The following DNA2 variants were observed in gnomAD, a reference collection of about 807,000 sequenced individuals.
DNA2 encodes DNA replication helicase/nuclease 2, also known as DNA replication ATP-dependent helicase/nuclease DNA2.
In DNA2, 101 loss-of-function variants were observed where a neutral mutation model predicts 119.1. The observed-to-expected ratio is 0.85, with a 90% confidence interval of 0.72 to 1.00. DNA2 has a LOEUF of 1.00. DNA2 is among the 50% of genes least tolerant of loss of function. DNA2 has a pLI of 0.00. For synonymous variants in DNA2, 366 were observed against 424.4 expected (o/e 0.86, Z 1.69); for missense variants, 1,121 against 1,255.5 (o/e 0.89, Z 1.62).
intron 14 of DNA2, among the ~76,000 whole-genome samples, chr10:68,428,160 T>C (rs375586954): frequency 6.6e-6 from 1 of 151,860 alleles, no homozygotes; most frequent in Non-Finnish European, 1.5e-5. Context: ...ACCCCATCTC[T>C]AGTAAAAATA....
intron 1 of DNA2, among the ~76,000 whole-genome samples, chr10:68,471,560 G>T (rs886352017): frequency 6.6e-6 from 1 of 152,096 alleles, no homozygotes; most frequent in South Asian, 2.1e-4. Context: ...GAAATCAAGG[G>T]AAACAATGAA....
At chr10:68,422,121 C>T in intron 17 of DNA2, 104 bp downstream of exon 17, 1 of 971,716 alleles carries the variant, frequency 1.0e-6, no homozygotes, top group East Asian at 2.7e-5. Context: ...CCTAGTTTTG[C>T]CTTTTAACTG....
At position 68,416,775 on chromosome 10, in the gene DNA2, A is replaced by T. The variant is rs749586569; in HGVS notation, c.3048T>A (p.Cys1016Ter). The T allele has an allele frequency of 9.3e-6, 15 of 1,613,926 alleles. No individual in the cohort carries two copies. The highest frequency in any genetic ancestry group is 1.2e-5 in the Non-Finnish European group (14 of 1,179,800). ...GAGGATAGCAATTTAGTGAGGGCAC[A>T]CACCCCAGAAGAATCAGTTTATGTT... Reference protein sequence around the residue: ...RAKHKLILLGCVPSLNCYPPL... With the variant: ...RAKHKLILLG The change falls in exon 20 of 21, where the codon TGT becomes TGA. Residue 1016 changes from cysteine (C) to a stop codon, truncating the protein, a stop_gained. Transcript: ENST00000358410. LOFTEE classifies it high-confidence loss of function.
chr10:68,444,523 G>A (rs2052011569), intron 8 of DNA2, among the ~76,000 whole-genome samples: 1 of 151,914 alleles, frequency 6.6e-6, no homozygotes, highest in Admixed American at 6.6e-5. Context: ...TCGGGAGTTG[G>A]AGACCAGCCT....
At chr10:68,415,718 A>C (rs2051580074) in intron 20 of DNA2, among the ~76,000 whole-genome samples, 1 of 151,890 alleles carries the variant, frequency 6.6e-6, no homozygotes, top group Non-Finnish European at 1.5e-5. Context: ...ACCAGGCTAG[A>C]TCTCGGCTCA....
At chr10:68,424,936 G>A (rs183105492) in intron 14 of DNA2, 4 of 680,650 alleles carry the variant, frequency 5.9e-6, no homozygotes, top group African/African-American at 1.8e-5. Flanking sequence ...GCCAAGTCTC[G>A]ACAAGTCAGA....
Position 68,419,852 on chromosome 10 carries a change from T to C in DNA2, c.2738A>G (p.Asn913Ser), listed in dbSNP as rs1481430822. The C allele has an allele frequency of 1.2e-6, 2 of 1,613,960 alleles. No homozygotes were observed. Among genetic ancestry groups the C allele is most frequent in the Non-Finnish European group, 1.7e-6 (2 of 1,179,868 alleles). The change falls in exon 18 of 21, where the codon AAT becomes AGT. Residue 913 changes from asparagine (N) to serine (S), a missense_variant. Transcript: ENST00000358410. ...PEQVEKGGVS[N>S]VTEAKLIVFL... is the part of the protein sequence containing the mutation. ...AACTATGAGTTTGGCTTCTGTTACATTGCTCACACCACCTTTTTCAACTTG... is the reference window on the plus strand; with the variant it reads ...AACTATGAGTTTGGCTTCTGTTACACTGCTCACACCACCTTTTTCAACTTG...
intron 2 of DNA2, among the ~76,000 whole-genome samples, chr10:68,469,147 A>G (rs2052358407): frequency 6.6e-6 from 1 of 152,156 alleles, no homozygotes. Context: ...CACCCCTCAC[A>G]TACCACACTT....
rs1720702275 is a variant in DNA2 at position 68,416,719 on chromosome 10, G to C, written c.3104C>G (p.Ser1035Ter). The stretch of plus-strand genomic sequence containing the variant: ...GAAGAAAAAGGATATTAATTTTTCT[G>C]AGTTTAAATGATTAAGCAGCTTCTC... Reference protein sequence around the residue: ...PLEKLLNHLNSEKLIIDLPSR... With the variant: ...PLEKLLNHLN The change falls in exon 20 of 21, where the codon TCA (serine) becomes TGA (stop). Residue 1035 changes from serine (S) to a stop codon, truncating the protein, a stop_gained. Transcript: ENST00000358410. LOFTEE classifies it high-confidence loss of function. The C allele has an allele frequency of 6.2e-7, 1 of 1,613,114 alleles. No homozygotes were observed. Among genetic ancestry groups the C allele is most frequent in the Non-Finnish European group, 8.5e-7 (1 of 1,179,282 alleles).
In DNA2 at chr10:68,432,293, T is replaced by C; in HGVS notation, c.1786A>G (p.Ile596Val). The change falls in exon 12 of 21, where the codon ATT (isoleucine) becomes GTT (valine). Residue 596 changes from isoleucine (I) to valine (V), a missense_variant. By Grantham distance (29) the Ile-to-Val change is conservative. Coordinates refer to ENST00000358410, the MANE Select transcript of DNA2 (RefSeq NM_001080449.3). ...FVSKKLRDLIIDFREPQFISY... is the reference protein window; with the variant it reads ...FVSKKLRDLIVDFREPQFISY... The stretch of plus-strand genomic sequence containing the variant: ...ATAAACTGAGGTTCACGAAAGTCAA[T>C]AATTAAATCTCGAAGTTTTTTGCTG... 3 of 1,605,530 alleles carry C rather than the reference T, an allele frequency of 1.9e-6. No homozygotes were observed. Among genetic ancestry groups the C allele is most frequent in the Non-Finnish European group, 2.5e-6 (3 of 1,177,390 alleles).
chr10:68,424,742 C>T (rs1165910981), intron 14 of DNA2: 2 of 1,540,186 alleles, frequency 1.3e-6, no homozygotes, highest in Non-Finnish European at 9.0e-7. Flanking sequence ...TTCAAGGACA[C>T]TACAAAGGTC....
Position 68,422,295 on chromosome 10 carries a change from T to G in DNA2, c.2627A>C (p.Tyr876Ser). 6.2e-7 allele frequency: 1 copy of G among 1,613,908 alleles called. No homozygotes were observed. The highest frequency in any genetic ancestry group is 8.5e-7 in the Non-Finnish European group (1 of 1,179,856). ...TCCCATCAACCAAGGATTATCAGAATAGTCAGCATAAAATTCCAGTTCCAG... is the reference window on the plus strand; with the variant it reads ...TCCCATCAACCAAGGATTATCAGAAGAGTCAGCATAAAATTCCAGTTCCAG... ...VKLELEFYADYSDNPWLMGVF... is the reference protein window; with the variant it reads ...VKLELEFYADSSDNPWLMGVF... Residue 876 changes from tyrosine (Y) to serine (S), a missense_variant, in exon 17 of 21, where the codon TAT becomes TCT. By Grantham distance (144) the Tyr-to-Ser change is moderately radical (BLOSUM62 -2). Transcript: ENST00000358410.
chr10:68,432,013 T>C, intron 12 of DNA2, 42 bp from the exon 13 acceptor site: 1 of 1,460,952 alleles, frequency 6.8e-7, no homozygotes, highest in Non-Finnish European at 9.5e-7. Flanking sequence ...GAGTGTTGAA[T>C]TTCAAAGGAA....
intron 20 of DNA2, among the ~76,000 whole-genome samples, 199 bp from the exon 21 acceptor site, chr10:68,415,306 C>T (rs1319164195): frequency 1.4e-5 from 2 of 145,764 alleles, no homozygotes; most frequent in African/African-American, 5.1e-5. Flanking sequence ...GATGGAGTTT[C>T]ACTCTTGTTA....
intron 14 of DNA2, among the ~76,000 whole-genome samples, chr10:68,429,881 G>GTTT (rs1323400745): frequency 7.2e-6 from 1 of 138,780 alleles, no homozygotes; most frequent in Non-Finnish European, 1.5e-5. Flanking sequence ...AAAAAACCCG[G>GTTT]ATTTTTTTTT....
intron 14 of DNA2, 70 bp from the exon 15 acceptor site, chr10:68,422,960 G>T: frequency 8.6e-7 from 1 of 1,168,744 alleles, no homozygotes; most frequent in Non-Finnish European, 1.2e-6. Flanking sequence ...TCTCATTTTT[G>T]AAATGAAAAG....
intron 10 of DNA2, among the ~76,000 whole-genome samples, chr10:68,434,103 T>C (rs1270307974): frequency 6.6e-6 from 1 of 151,986 alleles, no homozygotes; most frequent in Non-Finnish European, 1.5e-5. Flanking sequence ...AGTAAAACCC[T>C]GCGTCTACTA....
chr10:68,432,084 A>C, intron 12 of DNA2, 113 bp from the exon 13 acceptor site: 1 of 1,123,186 alleles, frequency 8.9e-7, no homozygotes, highest in Non-Finnish European at 1.3e-6. Context: ...ATACAAAACC[A>C]TTTCCAAAGA....
chr10:68,415,231 C>T (rs1362187391), intron 20 of DNA2, 124 bp from the exon 21 acceptor site: 8 of 581,260 alleles, frequency 1.4e-5, no homozygotes, highest in Non-Finnish European at 3.0e-6. Flanking sequence ...ATCTTTATGG[C>T]ATTCAATGAA....
Sources: gnomAD v4.1 joint callset for allele counts (sites outside exome capture counted in the v4.1 genomes callset) on GRCh38, gnomAD v4.1.1 for gene constraint, MANE v1.5 for transcripts, NCBI Gene and HGNC (gene_info 2026-07-23, HGNC 2026-07-21) for gene names.